The following RORA variants were observed in gnomAD, a reference collection of about 807,000 sequenced individuals.
RORA encodes nuclear receptor ROR-alpha.
In RORA, 7 loss-of-function variants were observed where a neutral mutation model predicts 69.5. The observed-to-expected ratio is 0.10, with a 90% CI of 0.06 to 0.19. RORA has a LOEUF of 0.19. Among genes scored for constraint, RORA ranks in the 10% least tolerant of loss-of-function variants. RORA has a pLI of 1.00. For synonymous variants in RORA, 261 were observed against 240.8 expected (o/e 1.08, Z -0.78); for missense variants, 457 against 663.0 (o/e 0.69, Z 3.41).
intron 1 of RORA, among the ~76,000 whole-genome samples, chr15:60,788,243 C>T (rs770023715): frequency 3.4e-4 from 51 of 152,160 alleles, no homozygotes; most frequent in Non-Finnish European, 6.3e-4. Context: ...CATGTTGTTG[C>T]ACCAGGGTCC....
intron 1 of RORA, among the ~76,000 whole-genome samples, chr15:60,718,007 C>G (rs1164035872): frequency 6.6e-6 from 1 of 151,946 alleles, no homozygotes; most frequent in African/African-American, 2.4e-5. Flanking sequence ...CCATGTTGGC[C>G]AGGCTAGTCT....
Position 61,099,011 on chromosome 15 carries a change from C to T in RORA, c.166+130042G>A, listed in dbSNP as rs141276970. Among the ~76,000 whole-genome samples the T allele has an allele frequency of 2.4e-3, 359 of 152,216 alleles. 1 individual carries two copies. Among genetic ancestry groups the T allele is most frequent in the African/African-American group, 8.1e-3 (336 of 41,532 alleles). On this transcript the variant is annotated intron_variant, in intron 1 of 10. Transcript: ENST00000335670. The stretch of plus-strand genomic sequence containing the variant: ...TTCATTTGCAAATTAGGTTCGTTTA[C>T]GGCAGAAAATGAAAAGTCATCATCA...
chr15:61,028,994 A>G (rs1392038605), intron 1 of RORA, among the ~76,000 whole-genome samples: 1 of 152,092 alleles, frequency 6.6e-6, no homozygotes, highest in African/African-American at 2.4e-5. Flanking sequence ...GCTAGAGGAT[A>G]CAGGTTTCTT....
chr15:60,544,942 T>A (rs1361693378), intron 2 of RORA: 1 of 152,296 alleles, frequency 6.6e-6, no homozygotes, highest in Non-Finnish European at 1.5e-5. Flanking sequence ...GAGTAACTTC[T>A]GAGGCAGCCC....
At chr15:60,771,395 T>C (rs1464535981) in intron 1 of RORA, among the ~76,000 whole-genome samples, 3 of 152,232 alleles carry the variant, frequency 2.0e-5, no homozygotes, top group Non-Finnish European at 4.4e-5. Context: ...CCTGGGAGCT[T>C]AGCTATCATT....
intron 2 of RORA, among the ~76,000 whole-genome samples, chr15:60,618,932 G>A (rs1021117070): frequency 1.3e-5 from 2 of 152,172 alleles, no homozygotes; most frequent in East Asian, 3.9e-4. Flanking sequence ...AGCATAAAAA[G>A]GGAGTGGTCT....
At chr15:60,855,205 A>C (rs1449649882) in intron 1 of RORA, among the ~76,000 whole-genome samples, 1 of 152,232 alleles carries the variant, frequency 6.6e-6, no homozygotes, top group African/African-American at 2.4e-5. Context: ...TTCCTGGAAC[A>C]CTGGGTATCA....
chr15:60,733,075 T>C (rs187260737), intron 1 of RORA, among the ~76,000 whole-genome samples: 2 of 152,318 alleles, frequency 1.3e-5, no homozygotes, highest in Admixed American at 1.3e-4. Context: ...ATTAGCTTGC[T>C]CCTCTGGAGG....
chr15:61,150,888 T>C (rs1210272675), intron 1 of RORA, among the ~76,000 whole-genome samples: 1 of 152,240 alleles, frequency 6.6e-6, no homozygotes, highest in African/African-American at 2.4e-5. Flanking sequence ...AGCTGCCCTT[T>C]GGTGCTTTCA....
chr15:60,729,114 T>A (rs1252638694), intron 1 of RORA, among the ~76,000 whole-genome samples: 2 of 152,090 alleles, frequency 1.3e-5, no homozygotes, highest in Admixed American at 1.3e-4. Context: ...GATATTTACC[T>A]CCCCGTTTTT....
At chr15:60,991,276 T>A (rs1199901416) in intron 1 of RORA, among the ~76,000 whole-genome samples, 1 of 79,728 alleles carries the variant, frequency 1.3e-5, no homozygotes, top group Non-Finnish European at 2.8e-5. Flanking sequence ...GTTGAGTGAG[T>A]GAATGAATGA....
chr15:60,966,810 TG>T (rs1893565655), intron 1 of RORA, among the ~76,000 whole-genome samples: 1 of 152,234 alleles, frequency 6.6e-6, no homozygotes, highest in Admixed American at 6.5e-5. Flanking sequence ...AATAGAATTC[TG>T]ATTATACAGT....
intron 2 of RORA, among the ~76,000 whole-genome samples, chr15:60,610,198 T>TCACACACACACACA (rs10674463): frequency 2.6e-4 from 39 of 148,480 alleles, no homozygotes; most frequent in African/African-American, 8.9e-4. Flanking sequence ...GTCGTGTAAG[T>TCACACACACACACA]CACACACACA....
chr15:60,569,954 C>T (rs1213979643), intron 2 of RORA, among the ~76,000 whole-genome samples: 12 of 152,082 alleles, frequency 7.9e-5, no homozygotes, highest in Admixed American at 7.9e-4. Flanking sequence ...GAAACCCACA[C>T]TCGTTAAAAA....
intron 2 of RORA, among the ~76,000 whole-genome samples, chr15:60,673,332 T>C (rs751178111): frequency 3.3e-5 from 5 of 152,232 alleles, no homozygotes; most frequent in Non-Finnish European, 7.3e-5. Flanking sequence ...AATCCATTTA[T>C]TTTTAATATG....
At chr15:61,118,407 G>A (rs2079069226) in intron 1 of RORA, among the ~76,000 whole-genome samples, 1 of 152,194 alleles carries the variant, frequency 6.6e-6, no homozygotes, top group South Asian at 2.1e-4. Flanking sequence ...ACAGCATAAT[G>A]AGTGAGTTCT....
intron 2 of RORA, among the ~76,000 whole-genome samples, chr15:60,641,331 G>A (rs1172803884): frequency 4.6e-5 from 7 of 152,188 alleles, no homozygotes; most frequent in South Asian, 2.1e-4. Context: ...TGTGAAGAAT[G>A]GATTCTGAAT....
intron 1 of RORA, among the ~76,000 whole-genome samples, chr15:61,161,193 T>C (rs907647392): frequency 6.6e-6 from 1 of 152,080 alleles, no homozygotes; most frequent in South Asian, 2.1e-4. Context: ...CCATATGAAG[T>C]CTCAACTCCA....
At chr15:60,723,819 C>T (rs1396182076) in intron 1 of RORA, among the ~76,000 whole-genome samples, 1 of 152,138 alleles carries the variant, frequency 6.6e-6, no homozygotes, top group Non-Finnish European at 1.5e-5. Flanking sequence ...AGGACCAAGG[C>T]AAGCTCTCAA....
Sources: gnomAD v4.1 joint callset for allele counts (sites outside exome capture counted in the v4.1 genomes callset) on GRCh38, gnomAD v4.1.1 for gene constraint, MANE v1.5 for transcripts, NCBI Gene and HGNC (gene_info 2026-07-23, HGNC 2026-07-21) for gene names.